Variants in PLAC8 observed in about 807,000 individuals in gnomAD.
The protein encoded by PLAC8 is placenta associated 8, also known as placenta-specific gene 8 protein.
A neutral mutation model predicts 12.6 loss-of-function variants in PLAC8; 6 were observed. The observed-to-expected ratio is 0.48, with a 90% CI of 0.26 to 0.94. PLAC8 has a LOEUF of 0.94. PLAC8 is among the 40% of genes least tolerant of loss of function. The pLI is 0.14. For missense variants in PLAC8, 122 were observed against 152.7 expected, an observed-to-expected ratio of 0.80 and a Z score of 1.06; for synonymous variants, 54 against 52.6, an observed-to-expected ratio of 1.03 and a Z score of -0.11.
chr4:83,091,168 C>A (rs1731798426), intron 4 of PLAC8, among the ~76,000 whole-genome samples, 197 bp from the exon 5 acceptor site: 2 of 152,108 alleles, frequency 1.3e-5, no homozygotes, highest in African/African-American at 4.8e-5. Context: ...AACTAATGAA[C>A]CCATACTGAT....
chr4:83,095,025 A>G (rs1731892678), intron 3 of PLAC8, among the ~76,000 whole-genome samples: 1 of 152,214 alleles, frequency 6.6e-6, no homozygotes, highest in Non-Finnish European at 1.5e-5. Flanking sequence ...CAACCAAACT[A>G]TCAAGTATGA....
Position 83,090,739 on chromosome 4 carries a change from T to C in PLAC8, c.*242A>G, listed in dbSNP as rs939004460. On this transcript the variant is annotated 3_prime_UTR_variant, in exon 5 of 5. Transcript: ENST00000311507. ...TATATTTCAAATGTAATTTAAAAAGTTTATAAGCCAGGAAATTCGAATTCG... is the reference window on the plus strand; with the variant it reads ...TATATTTCAAATGTAATTTAAAAAGCTTATAAGCCAGGAAATTCGAATTCG... 7.9e-5 allele frequency: 6 copies of C among 75,898 alleles called. 1 individual carries two copies. Among genetic ancestry groups the C allele is most frequent in the Non-Finnish European group, 1.6e-4 (6 of 38,204 alleles). The allele number at this position is 75,898 out of a possible 1,614,324, so 4.7% of individuals were successfully genotyped here. A position where few individuals can be genotyped will look rare whatever the true frequency, so the allele number is the denominator to read the frequency against.
intron 1 of PLAC8, among the ~76,000 whole-genome samples, chr4:83,108,460 GGC>G (rs1340392490): frequency 1.3e-5 from 2 of 152,224 alleles, no homozygotes; most frequent in Non-Finnish European, 2.9e-5. Context: ...CAGGCTTGGT[GGC>G]GCGTGCCTGT....
intron 1 of PLAC8, among the ~76,000 whole-genome samples, chr4:83,111,450 G>C (rs550993474): frequency 1.3e-5 from 2 of 151,196 alleles, no homozygotes; most frequent in African/African-American, 2.4e-5. Flanking sequence ...GTGGATCCTC[G>C]GTGACAGAGC....
intron 1 of PLAC8, among the ~76,000 whole-genome samples, chr4:83,112,190 A>ATATATATATATATG (rs71668627): frequency 2.6e-4 from 14 of 52,832 alleles, no homozygotes; most frequent in African/African-American, 1.2e-3. Flanking sequence ...AAAAAAATTT[A>ATATATATATATATG]TATATATATA....
At chr4:83,094,928 C>G in intron 3 of PLAC8, 137 bp from the exon 4 acceptor site, 1 of 488,120 alleles carries the variant, frequency 2.0e-6, no homozygotes, top group Non-Finnish European at 3.7e-6. Context: ...GAAAATATTA[C>G]CTCACTTTTT....
intron 3 of PLAC8, among the ~76,000 whole-genome samples, chr4:83,100,091 C>T (rs982703799): frequency 1.3e-5 from 2 of 151,414 alleles, no homozygotes; most frequent in African/African-American, 4.9e-5. Flanking sequence ...TAACATCCTG[C>T]CTAGACGGTG....
chr4:83,103,691 G>C (rs191003634), intron 3 of PLAC8, among the ~76,000 whole-genome samples: 3 of 152,238 alleles, frequency 2.0e-5, no homozygotes, highest in African/African-American at 7.2e-5. Flanking sequence ...TTTTGTTTGA[G>C]ATGGAGTCTT....
Position 83,097,872 on chromosome 4 carries a change from T to TG in PLAC8, c.244-3082_244-3081insC, listed in dbSNP as rs1204513392. ...TCTAGTTTTGAGGGTTTTTTTTTTT[T>TG]TTTTTGAGATGGAGTCTCGCTCTGC... is the stretch of plus-strand genomic sequence containing the variant. On this transcript the variant is annotated intron_variant, in intron 3 of 4. Transcript: ENST00000311507. Among the ~76,000 whole-genome samples, 5 of 151,030 alleles carry TG rather than the reference T, an allele frequency of 3.3e-5. No homozygotes were observed. In the East Asian group the frequency reaches 5.8e-4, roughly 18 times the overall value.
intron 3 of PLAC8, among the ~76,000 whole-genome samples, chr4:83,103,084 TAAA>T (rs34047201): frequency 8.0e-6 from 1 of 125,662 alleles, no homozygotes; most frequent in African/African-American, 3.2e-5. Flanking sequence ...AGACTCCCTT[TAAA>T]AAAAAAAAAA....
chr4:83,096,430 C>T (rs910067225), intron 3 of PLAC8, among the ~76,000 whole-genome samples: 1 of 151,988 alleles, frequency 6.6e-6, no homozygotes, highest in African/African-American at 2.4e-5. Context: ...TTATTGACAA[C>T]ACTTGTGAAC....
At chr4:83,103,905 T>C (rs1732174265) in intron 3 of PLAC8, among the ~76,000 whole-genome samples, 1 of 152,150 alleles carries the variant, frequency 6.6e-6, no homozygotes, top group Non-Finnish European at 1.5e-5. Flanking sequence ...TGACCTCAAG[T>C]GATCAGCCCT....
chr4:83,094,756 G>T lies in PLAC8; in HGVS notation c.279C>A (p.Cys93Ter). ...SICDDYMATL[C>*]CPHCTLCQIK... ...TTTGGCAAAGAGTACAATGAGGACA[G>T]CAAAGAGTTGCCATATAGTCATCAC... The change falls in exon 4 of 5, where the codon TGC (cysteine) becomes TGA (stop). Residue 93 changes from cysteine (C) to a stop codon, truncating the protein, a stop_gained. Transcript: ENST00000311507. LOFTEE classifies it high-confidence loss of function. The T allele has an allele frequency of 6.2e-7, 1 of 1,603,820 alleles. No homozygotes were observed. The highest frequency in any genetic ancestry group is 8.5e-7 in the Non-Finnish European group (1 of 1,176,524).
chr4:83,095,443 G>C (rs963243256), intron 3 of PLAC8, among the ~76,000 whole-genome samples: 1 of 152,080 alleles, frequency 6.6e-6, no homozygotes, highest in African/African-American at 2.4e-5. Context: ...CCAATACCAG[G>C]AAAAACAAAA....
In PLAC8 at chr4:83,107,906, G is replaced by A. The variant is rs774561888; in HGVS notation, c.16C>T (p.Pro6Ser). 9.6e-6 allele frequency: 15 copies of A among 1,560,254 alleles called. No homozygotes were observed. The highest frequency in any genetic ancestry group is 1.3e-5 in the Non-Finnish European group (15 of 1,148,664). Residue 6 changes from proline to serine, a missense_variant, in exon 2 of 5, where the codon CCG (proline) becomes TCG (serine). Transcript: ENST00000311507. MQAQA[P>S]VVVVTQPGVG... ...CCAGGTTGGGTCACAACGACCACCG[G>A]CGCCTGAGCTTGCATTTTCAGTGCA...
intron 1 of PLAC8, among the ~76,000 whole-genome samples, chr4:83,111,497 A>T (rs1357210844): frequency 6.6e-6 from 1 of 152,042 alleles, no homozygotes; most frequent in Non-Finnish European, 1.5e-5. Context: ...AAAAAAATAA[A>T]AAAAAAGGAG....
At chr4:83,110,716 C>G (rs553258727) in intron 1 of PLAC8, among the ~76,000 whole-genome samples, 1 of 152,258 alleles carries the variant, frequency 6.6e-6, no homozygotes, top group South Asian at 2.1e-4. Flanking sequence ...ACTCTGCAGA[C>G]CTCCACAGGT....
At chr4:83,110,650 C>A (rs996981864) in intron 1 of PLAC8, among the ~76,000 whole-genome samples, 3 of 152,184 alleles carry the variant, frequency 2.0e-5, no homozygotes, top group African/African-American at 4.8e-5. Context: ...TGGTGCATAG[C>A]AAACAGTGGC....
chr4:83,114,533 C>T (rs1732488411), intron 1 of PLAC8, 133 bp downstream of exon 1: 1 of 151,762 alleles, frequency 6.6e-6, no homozygotes, highest in Admixed American at 6.6e-5. Context: ...ATAAGAAAAC[C>T]TTAGTCTTTT....
Sources: gnomAD v4.1 joint callset for allele counts (sites outside exome capture counted in the v4.1 genomes callset) on GRCh38, gnomAD v4.1.1 for gene constraint, MANE v1.5 for transcripts, NCBI Gene and HGNC (gene_info 2026-07-23, HGNC 2026-07-21) for gene names.